The following SLC24A2 variants were observed in gnomAD, a reference collection of about 807,000 sequenced individuals.
The protein encoded by SLC24A2 is solute carrier family 24 member 2.
A neutral mutation model predicts 62.0 loss-of-function variants in SLC24A2; 36 were observed. That is an observed-to-expected ratio of 0.58 (90% confidence interval 0.44 to 0.77). The LOEUF is 0.77. SLC24A2 is among the 30% of genes least tolerant of loss of function. The probability of loss-of-function intolerance (pLI) is 0.00; values close to 1 mark genes in which losing one functional copy is unlikely to be tolerated. For missense variants in SLC24A2, 846 were observed against 817.9 expected (o/e 1.03, Z -0.42); for synonymous variants, 358 against 294.0 (o/e 1.22, Z -2.23).
At chr9:20,071,104 CT>C in the SLC24A2 span, among the ~76,000 whole-genome samples, 3 of 152,202 alleles carry the variant, frequency 2.0e-5, no homozygotes, top group Non-Finnish European at 4.4e-5. Context: ...CCCTCCTTGC[CT>C]TCCACCATGA....
In SLC24A2 at chr9:19,639,684, T is replaced by C. The variant is rs79864534; in HGVS notation, c.931-17385A>G. Reference sequence around the variant, plus strand: ...GATAACCTATTTCCATCTGTAATGATGACAGCATTTTGCCTTAGCAATTCT... The same window carrying C: ...GATAACCTATTTCCATCTGTAATGACGACAGCATTTTGCCTTAGCAATTCT... On this transcript the variant is annotated intron_variant, in intron 2 of 10. Transcript: ENST00000341998. Among the ~76,000 whole-genome samples, 777 of 152,352 alleles carry C rather than the reference T, an allele frequency of 5.1e-3. 5 individuals carry two copies. The highest frequency in any genetic ancestry group is 0.017 in the African/African-American group (726 of 41,578).
chr9:20,173,080 A>C, the SLC24A2 span, among the ~76,000 whole-genome samples: 27 of 152,112 alleles, frequency 1.8e-4, no homozygotes, highest in East Asian at 1.2e-3. Flanking sequence ...AAAAGCAAAA[A>C]TTACATGATC....
chr9:19,748,734 T>A (rs1821904255), intron 2 of SLC24A2, among the ~76,000 whole-genome samples: 1 of 151,954 alleles, frequency 6.6e-6, no homozygotes, highest in Admixed American at 6.6e-5. Context: ...GCTAAAGACA[T>A]CCTCCTGGCT....
chr9:19,697,702 G>A (rs1384836046), intron 2 of SLC24A2, among the ~76,000 whole-genome samples: 1 of 152,132 alleles, frequency 6.6e-6, no homozygotes, highest in East Asian at 1.9e-4. Flanking sequence ...CATTTAGCAG[G>A]TTAAAATAAT....
At chr9:20,195,815 A>T in the SLC24A2 span, among the ~76,000 whole-genome samples, 1 of 148,046 alleles carries the variant, frequency 6.8e-6, no homozygotes, top group Non-Finnish European at 1.5e-5. Flanking sequence ...TAACAAAAAA[A>T]CCTTACCCAT....
At chr9:19,564,408 C>G (rs1310949794) in intron 7 of SLC24A2, among the ~76,000 whole-genome samples, 1 of 152,140 alleles carries the variant, frequency 6.6e-6, no homozygotes, top group Non-Finnish European at 1.5e-5. Context: ...TAAGTCAGAG[C>G]TGAATTCCTA....
chr9:19,528,002 G>C, intron 9 of SLC24A2, 47 bp downstream of exon 9: 2 of 1,151,724 alleles, frequency 1.7e-6, no homozygotes, highest in Non-Finnish European at 2.6e-6. Flanking sequence ...TTGACAATCA[G>C]GACTGGAGAA....
the SLC24A2 span, among the ~76,000 whole-genome samples, chr9:20,235,012 G>A: frequency 6.6e-6 from 1 of 152,234 alleles, no homozygotes; most frequent in Non-Finnish European, 1.5e-5. Context: ...GTTCACCTGG[G>A]TATCAGCAGC....
chr9:20,025,677 C>G, the SLC24A2 span, among the ~76,000 whole-genome samples: 3 of 152,154 alleles, frequency 2.0e-5, no homozygotes, highest in South Asian at 6.2e-4. Flanking sequence ...TAGAACTCTT[C>G]CAAGTCATCT....
intron 5 of SLC24A2, among the ~76,000 whole-genome samples, chr9:19,594,954 T>C (rs1254242907): frequency 6.6e-6 from 1 of 152,202 alleles, no homozygotes; most frequent in East Asian, 1.9e-4. Flanking sequence ...AGGATGCAAC[T>C]TTACATGGCT....
At chr9:20,148,094 C>G in the SLC24A2 span, among the ~76,000 whole-genome samples, 1 of 151,934 alleles carries the variant, frequency 6.6e-6, no homozygotes, top group South Asian at 2.1e-4. Flanking sequence ...TCCTGGGTGA[C>G]CTGGATTTCA....
chr9:20,126,575 T>C, the SLC24A2 span, among the ~76,000 whole-genome samples: 2 of 152,282 alleles, frequency 1.3e-5, no homozygotes, highest in East Asian at 3.9e-4. Context: ...ATTGACACAA[T>C]TGAACATATT....
intron 2 of SLC24A2, among the ~76,000 whole-genome samples, chr9:19,640,242 G>A (rs1818457583): frequency 6.6e-6 from 1 of 152,154 alleles, no homozygotes; most frequent in South Asian, 2.1e-4. Flanking sequence ...TGGCTCTCCT[G>A]CTGTTATTAA....
At chr9:20,260,845 C>CTTTTT in the SLC24A2 span, among the ~76,000 whole-genome samples, 5,894 of 109,292 alleles carry the variant, frequency 0.054, 488 homozygotes, top group East Asian at 0.29. Context: ...ACGTATCATT[C>CTTTTT]TTTCTTTTTT....
the SLC24A2 span, among the ~76,000 whole-genome samples, chr9:20,198,452 C>T: frequency 5.6e-4 from 86 of 152,266 alleles, 2 homozygotes; most frequent in South Asian, 0.016. Context: ...AGACTGTATT[C>T]GCCCTTTAAT....
At chr9:19,744,575 A>T (rs150765464) in intron 2 of SLC24A2, among the ~76,000 whole-genome samples, 1 of 152,162 alleles carries the variant, frequency 6.6e-6, no homozygotes, top group Non-Finnish European at 1.5e-5. Context: ...CTTGGCTCCA[A>T]CTGATGTTGT....
rs141642064 is a variant in SLC24A2 at position 19,624,060 on chromosome 9, G to A, written c.931-1761C>T. 3.3e-4 allele frequency among the ~76,000 whole-genome samples: 51 copies of A among 152,264 alleles called. No homozygotes were observed. The East Asian group carries it at 9.4e-3, about 28-fold the overall frequency. On this transcript the variant is annotated intron_variant, in intron 2 of 10. Coordinates refer to ENST00000341998, the MANE Select transcript of SLC24A2 (RefSeq NM_020344.4). ...TTTGATTTCCCACTTTCCTCTGAAC[G>A]GCACTGTATGATCCTGCTTCTCTCT...
chr9:20,228,768 A>C, the SLC24A2 span, among the ~76,000 whole-genome samples: 1 of 152,154 alleles, frequency 6.6e-6, no homozygotes, highest in Non-Finnish European at 1.5e-5. Flanking sequence ...TGTGTAGCTC[A>C]AAGTATGTGG....
the SLC24A2 span, among the ~76,000 whole-genome samples, chr9:20,133,645 G>T: frequency 6.6e-6 from 1 of 151,996 alleles, no homozygotes; most frequent in Non-Finnish European, 1.5e-5. Flanking sequence ...AAACACAAAA[G>T]TTTCATTTAC....
Sources: gnomAD v4.1 joint callset for allele counts (sites outside exome capture counted in the v4.1 genomes callset) on GRCh38, gnomAD v4.1.1 for gene constraint, MANE v1.5 for transcripts, NCBI Gene and HGNC (gene_info 2026-07-23, HGNC 2026-07-21) for gene names.